The following PCDH15 variants were observed in gnomAD, a reference collection of about 807,000 sequenced individuals.
The protein encoded by PCDH15 is protocadherin-15.
Under a neutral mutation model 178.5 loss-of-function variants are expected in PCDH15, and 129 were observed. The ratio of observed to expected loss-of-function variants is 0.72; its 90% CI spans 0.63 to 0.84. The LOEUF is 0.84. Ranked by LOEUF, PCDH15 falls within the 40% of genes least tolerant of loss-of-function variation. PCDH15 has a pLI of 0.00. For missense variants in PCDH15, 2,230 were observed against 2,099.9 expected, an observed-to-expected ratio of 1.06 and a Z score of -1.21; for synonymous variants, 800 against 732.0, an observed-to-expected ratio of 1.09 and a Z score of -1.50.
chr10:55,082,745 T>C (rs1842075032), intron 2 of PCDH15, among the ~76,000 whole-genome samples: 1 of 151,830 alleles, frequency 6.6e-6, no homozygotes, highest in South Asian at 2.1e-4. Flanking sequence ...CTGGCAGAAA[T>C]TCAAAAGATA....
chr10:54,020,536 CGT>C, intron 19 of PCDH15, 120 bp from the exon 20 acceptor site: 1 of 999,948 alleles, frequency 1.0e-6, no homozygotes. Context: ...CAAAAAGACA[CGT>C]TTTTTGTTTT....
In PCDH15 at chr10:54,075,330, T is replaced by C. The variant is rs2094321653; in HGVS notation, c.2091+4001A>G. 2.6e-5 allele frequency among the ~76,000 whole-genome samples: 4 copies of C among 152,132 alleles called. No homozygotes were observed. The South Asian group carries it at 6.2e-4, about 24-fold the overall frequency. ...AGGCGGAGTTTGCAGTGAGCCGAGATCGCGCCACTGCACTCCAGCCTGGGT... is the reference window on the plus strand; with the variant it reads ...AGGCGGAGTTTGCAGTGAGCCGAGACCGCGCCACTGCACTCCAGCCTGGGT... On this transcript the variant is annotated intron_variant, in intron 17 of 37. Coordinates refer to ENST00000644397, the MANE Select transcript of PCDH15 (RefSeq NM_001384140.1).
chr10:55,399,995 T>C (rs1430456080), intron 2 of PCDH15, among the ~76,000 whole-genome samples: 1 of 152,126 alleles, frequency 6.6e-6, no homozygotes, highest in African/African-American at 2.4e-5. Context: ...TCAAAATTAG[T>C]GATGGAAACT....
intron 2 of PCDH15, among the ~76,000 whole-genome samples, chr10:54,985,896 C>T (rs1002673481): frequency 5.9e-5 from 9 of 152,060 alleles, no homozygotes; most frequent in African/African-American, 1.9e-4. Context: ...ACAGGACATG[C>T]CTTATTTGAA....
At chr10:54,288,584 G>T (rs988148170) in intron 8 of PCDH15, among the ~76,000 whole-genome samples, 1 of 152,170 alleles carries the variant, frequency 6.6e-6, no homozygotes, top group African/African-American at 2.4e-5. Flanking sequence ...GAAGCACAAG[G>T]GGTCAAGGGA....
At chr10:54,525,199 T>C (rs76893102) in intron 3 of PCDH15, among the ~76,000 whole-genome samples, 1,829 of 152,298 alleles carry the variant, frequency 0.012, 39 homozygotes, top group African/African-American at 0.042. Flanking sequence ...AGTGAATGTA[T>C]TTAGATATAG....
At chr10:54,080,939 G>A (rs1242267556) in intron 16 of PCDH15, among the ~76,000 whole-genome samples, 2 of 152,086 alleles carry the variant, frequency 1.3e-5, no homozygotes, top group African/African-American at 4.8e-5. Flanking sequence ...AAACAGGAAA[G>A]CTGAAAACCT....
At chr10:54,593,995 G>T (rs533717259) in intron 2 of PCDH15, among the ~76,000 whole-genome samples, 1 of 152,102 alleles carries the variant, frequency 6.6e-6, no homozygotes, top group East Asian at 1.9e-4. Flanking sequence ...CAGATAGAGA[G>T]AAGATACAGA....
At chr10:54,068,418 T>C (rs1467022528) in intron 17 of PCDH15, among the ~76,000 whole-genome samples, 1 of 152,146 alleles carries the variant, frequency 6.6e-6, no homozygotes, top group Non-Finnish European at 1.5e-5. Flanking sequence ...ACAAAGATGG[T>C]CAGAACATCA....
At chr10:55,405,525 T>C (rs1240349843) in intron 2 of PCDH15, among the ~76,000 whole-genome samples, 1 of 151,582 alleles carries the variant, frequency 6.6e-6, no homozygotes, top group African/African-American at 2.4e-5. Flanking sequence ...TGTAGTGTTC[T>C]AAGCTCATTA....
intron 29 of PCDH15, among the ~76,000 whole-genome samples, chr10:53,837,784 CAT>C (rs920532526): frequency 2.6e-5 from 4 of 151,966 alleles, no homozygotes; most frequent in Non-Finnish European, 5.9e-5. Context: ...CACATATACA[CAT>C]GTATATGTAT....
At chr10:53,987,656 T>A (rs1564936857) in intron 21 of PCDH15, among the ~76,000 whole-genome samples, 1 of 152,106 alleles carries the variant, frequency 6.6e-6, no homozygotes, top group East Asian at 1.9e-4. Context: ...ACATGAAAAT[T>A]AAAAGAGTAA....
chr10:55,341,398 A>T (rs1844551980), intron 2 of PCDH15, among the ~76,000 whole-genome samples: 1 of 152,130 alleles, frequency 6.6e-6, no homozygotes. Context: ...AAATGGGAGA[A>T]TTTAACAAGA....
At chr10:54,557,379 G>T (rs1021205245) in intron 2 of PCDH15, among the ~76,000 whole-genome samples, 2 of 152,024 alleles carry the variant, frequency 1.3e-5, no homozygotes, top group African/African-American at 4.8e-5. Context: ...CTTTCAGAAT[G>T]GTGCCTAATA....
chr10:54,830,740 T>C (rs1226152997), intron 3 of PCDH15, among the ~76,000 whole-genome samples: 2 of 149,028 alleles, frequency 1.3e-5, no homozygotes, highest in Admixed American at 6.7e-5. Context: ...ATAATAATAA[T>C]TAAAAAAAAA....
At chr10:55,044,231 A>G (rs1349940662) in intron 2 of PCDH15, among the ~76,000 whole-genome samples, 1 of 152,160 alleles carries the variant, frequency 6.6e-6, no homozygotes, top group Non-Finnish European at 1.5e-5. Context: ...GAAATACTGC[A>G]CCATAGTCTT....
chr10:55,447,029 C>T (rs902001367), intron 2 of PCDH15, among the ~76,000 whole-genome samples: 1 of 151,874 alleles, frequency 6.6e-6, no homozygotes, highest in Non-Finnish European at 1.5e-5. Flanking sequence ...GAAATAATTT[C>T]AAAAACTGAA....
chr10:53,827,420 A>C lies in PCDH15; in HGVS notation c.4340T>G (p.Leu1447Arg). ...TGAGCTGTCTCCAAGTTCTTCATAG[A>C]GATGCGCACCTGGCGGAGGCGGCGG... ...PPPPPPPGAH[L>R]YEELGDSSIW... Residue 1447 changes from leucine to arginine, a missense_variant, in exon 32 of 38, where the codon CTC becomes CGC. By Grantham distance (102) the Leu-to-Arg change is moderately radical (BLOSUM62 -2). Coordinates refer to ENST00000644397, the MANE Select transcript of PCDH15 (RefSeq NM_001384140.1). The C allele has an allele frequency of 6.2e-7, 1 of 1,613,010 alleles. No homozygotes were observed. Among genetic ancestry groups the C allele is most frequent in the Non-Finnish European group, 8.5e-7 (1 of 1,179,314 alleles).
At chr10:55,397,219 G>A (rs1183669693) in intron 2 of PCDH15, among the ~76,000 whole-genome samples, 1 of 152,016 alleles carries the variant, frequency 6.6e-6, no homozygotes, top group Non-Finnish European at 1.5e-5. Context: ...AAAGCTTGAG[G>A]GACAATTGAA....
Sources: allele counts gnomAD v4.1 joint callset (sites outside exome capture counted in the v4.1 genomes callset), GRCh38; gene constraint gnomAD v4.1.1; transcripts MANE v1.5; gene names NCBI Gene and HGNC (gene_info 2026-07-23, HGNC 2026-07-21).